Variants in CYLC2 observed in about 807,000 individuals in gnomAD.
CYLC2 encodes the protein cylicin-2.
A neutral mutation model predicts 26.1 loss-of-function variants in CYLC2; 30 were observed. That is an observed-to-expected ratio of 1.15 (90% CI 0.86 to 1.56). The LOEUF (loss-of-function observed/expected upper bound fraction) is 1.56, where lower values mean the gene tolerates loss of function less well. CYLC2 is among the 40% of genes most tolerant of loss of function. The pLI is 0.00. For missense variants in CYLC2, 498 were observed against 394.4 expected (o/e 1.26, Z -2.23); for synonymous variants, 158 against 132.8 (o/e 1.19, Z -1.31).
At position 103,002,754 on chromosome 9, in the gene CYLC2, G is replaced by A. The variant is rs10990421; in HGVS notation, c.59-388G>A. The stretch of plus-strand genomic sequence containing the variant: ...TTTACTGAATATTTATGCTGGCATT[G>A]TGCTAAGTACTATGGGAGCTACAGA... On this transcript the variant is annotated intron_variant, in intron 2 of 7. Coordinates refer to ENST00000374798, the MANE Select transcript of CYLC2 (RefSeq NM_001340.5). 0.011 allele frequency among the ~76,000 whole-genome samples: 1,682 copies of A among 152,202 alleles called. 105 individuals are homozygous for A. The East Asian group carries it at 0.2, about 18-fold the overall frequency.
chr9:103,014,678 G>GTATACACCATATGTATATTATGCAA (rs1564101313), intron 6 of CYLC2, among the ~76,000 whole-genome samples: 2 of 132,252 alleles, frequency 1.5e-5, no homozygotes, highest in Admixed American at 8.0e-5. Flanking sequence ...ATATTATGCA[G>GTATACACCATATGTATATTATGCAA]TATACATATG....
intron 5 of CYLC2, among the ~76,000 whole-genome samples, chr9:103,009,880 T>A (rs1829388203): frequency 6.6e-6 from 1 of 151,340 alleles, no homozygotes; most frequent in South Asian, 2.1e-4. Context: ...ATCACATATA[T>A]ACAAACATAC....
intron 6 of CYLC2, among the ~76,000 whole-genome samples, chr9:103,014,045 TTATA>T (rs1330896122): frequency 1.7e-5 from 2 of 117,798 alleles, no homozygotes; most frequent in Admixed American, 1.0e-4. Context: ...TATACATACT[TTATA>T]TATCTATTTA....
At chr9:103,013,950 T>C (rs1829453600) in intron 6 of CYLC2, among the ~76,000 whole-genome samples, 1 of 94,880 alleles carries the variant, frequency 1.1e-5, no homozygotes, top group East Asian at 2.8e-4. Context: ...AATATAATAC[T>C]ATATATTATA....
chr9:103,009,137 C>T (rs1829380572), intron 5 of CYLC2, among the ~76,000 whole-genome samples: 1 of 152,134 alleles, frequency 6.6e-6, no homozygotes, highest in South Asian at 2.1e-4. Context: ...TCTCCTAGAA[C>T]ATCACACTGT....
At chr9:103,002,515 G>A (rs1033844086) in intron 2 of CYLC2, among the ~76,000 whole-genome samples, 1 of 151,686 alleles carries the variant, frequency 6.6e-6, no homozygotes. Flanking sequence ...ACAGGCGCCT[G>A]CCACCACACC....
At chr9:103,014,443 A>AAT (rs368730144) in intron 6 of CYLC2, among the ~76,000 whole-genome samples, 1 of 98,388 alleles carries the variant, frequency 1.0e-5, no homozygotes, top group African/African-American at 3.3e-5. Context: ...TATATTACAT[A>AAT]ATATACATAA....
At chr9:103,001,730 TTAAC>T (rs1829291187) in intron 2 of CYLC2, 112 bp downstream of exon 2, 1 of 674,412 alleles carries the variant, frequency 1.5e-6, no homozygotes, top group Non-Finnish European at 2.5e-6. Flanking sequence ...AAATTGATAA[TTAAC>T]TATTTCCCAA....
chr9:103,015,288 TATAATTA>T (rs1225839039), intron 6 of CYLC2, among the ~76,000 whole-genome samples: 6 of 126,960 alleles, frequency 4.7e-5, no homozygotes, highest in Admixed American at 8.8e-5. Context: ...TATTATATAA[TATAATTA>T]TATGTTATAA....
chr9:103,003,073 G>T (rs1042948544), intron 2 of CYLC2, 69 bp from the exon 3 acceptor site: 215 of 1,577,922 alleles, frequency 1.4e-4, no homozygotes, highest in Non-Finnish European at 1.7e-4. Context: ...TACGTTGCAC[G>T]TAATGCCATT....
rs139199956 is a variant in CYLC2 at position 102,997,389 on chromosome 9, A to G, written c.17+1992A>G. On this transcript the variant is annotated intron_variant, in intron 1 of 7. Coordinates refer to ENST00000374798, the MANE Select transcript of CYLC2 (RefSeq NM_001340.5). The stretch of plus-strand genomic sequence containing the variant: ...TCTCTGGGTGAGGAGTTCGAAATAA[A>G]TCCATGCTAAGAAACACTGCTTCAG... Among the ~76,000 whole-genome samples the G allele has an allele frequency of 2.0e-3, 310 of 152,086 alleles. 3 individuals are homozygous for G. Among genetic ancestry groups the G allele is most frequent in the South Asian group, 8.9e-3 (43 of 4,820 alleles).
chr9:103,004,725 C>CTTAATT lies in CYLC2; in HGVS notation c.211_212insTTAATT (p.Arg71delinsLeuAsnCys), dbSNP rs1416702322. 1 of 1,601,036 alleles carries CTTAATT rather than the reference C, an allele frequency of 6.2e-7. No individual in the cohort carries two copies. The highest frequency in any genetic ancestry group is 2.2e-5 in the East Asian group (1 of 44,776). On this transcript the variant is annotated protein_altering_variant, in exon 4 of 8. Coordinates refer to ENST00000374798, the MANE Select transcript of CYLC2 (RefSeq NM_001340.5). Reference sequence around the variant, plus strand: ...TGATGAAGAACAATTAAGAGGAGATCGTAGACAACCATTATGGATGTACCG... The same window carrying CTTAATT: ...TGATGAAGAACAATTAAGAGGAGATCTTAATTGTAGACAACCATTATGGATGTACCG...
At position 103,004,878 on chromosome 9, in the gene CYLC2, T is replaced by C. The variant is rs766174214; in HGVS notation, c.337+27T>C. 31 of 1,594,404 alleles carry C rather than the reference T, an allele frequency of 1.9e-5. No homozygotes were observed. The South Asian group carries it at 3.3e-4, about 17-fold the overall frequency. On this transcript the variant is annotated intron_variant, in intron 4 of 7. Coordinates refer to ENST00000374798, the MANE Select transcript of CYLC2 (RefSeq NM_001340.5). ...TAGAGATAACTTACTGTTTTTATAG[T>C]ATCTCTGTAATTTTCTGATTAGATT...
intron 5 of CYLC2, among the ~76,000 whole-genome samples, chr9:103,006,615 C>T (rs1387731176): frequency 2.6e-5 from 4 of 151,936 alleles, no homozygotes; most frequent in Non-Finnish European, 4.4e-5. Flanking sequence ...GGGGTTTCAC[C>T]GTGTTAGCCA....
At chr9:103,001,528 C>A in intron 1 of CYLC2, 50 bp from the exon 2 acceptor site, 2 of 1,144,502 alleles carry the variant, frequency 1.7e-6, no homozygotes, top group Non-Finnish European at 2.6e-6. Flanking sequence ...CAGTTTAAAA[C>A]AGTGATTTTT....
At chr9:103,006,752 G>T (rs1385768981) in intron 5 of CYLC2, among the ~76,000 whole-genome samples, 3 of 152,020 alleles carry the variant, frequency 2.0e-5, no homozygotes, top group Non-Finnish European at 4.4e-5. Context: ...ATTAATTATT[G>T]TCTTTTTCAT....
intron 1 of CYLC2, among the ~76,000 whole-genome samples, 159 bp downstream of exon 1, chr9:102,995,556 T>C (rs1829228775): frequency 6.6e-6 from 1 of 151,920 alleles, no homozygotes; most frequent in Admixed American, 6.6e-5. Context: ...ACATAATAGA[T>C]TTTTTTGATT....
At chr9:103,004,570 T>G in intron 3 of CYLC2, 125 bp from the exon 4 acceptor site, 1 of 674,884 alleles carries the variant, frequency 1.5e-6, no homozygotes, top group Non-Finnish European at 2.3e-6. Flanking sequence ...AATCTCAAAC[T>G]TCCCCATTTT....
chr9:103,001,487 G>C (rs1829288472), intron 1 of CYLC2, 91 bp from the exon 2 acceptor site: 5 of 707,984 alleles, frequency 7.1e-6, no homozygotes, highest in Non-Finnish European at 9.9e-6. Flanking sequence ...TTCTCTAGTT[G>C]TTGGTTGCAG....
Sources: allele counts gnomAD v4.1 joint callset (sites outside exome capture counted in the v4.1 genomes callset), GRCh38; gene constraint gnomAD v4.1.1; transcripts MANE v1.5; gene names NCBI Gene and HGNC (gene_info 2026-07-23, HGNC 2026-07-21).